WDR74: variants seen among roughly 807,000 people sequenced by gnomAD.
WDR74 encodes the protein WD repeat domain 74.
WDR74 carries 31 observed loss-of-function variants against 45.6 expected under a neutral mutation model. The observed-to-expected ratio is 0.68, with a 90% CI of 0.51 to 0.92. The LOEUF is 0.92. WDR74 is among the 40% of genes least tolerant of loss of function. The pLI is 0.00. For synonymous variants in WDR74, 191 were observed against 192.4 expected, an observed-to-expected ratio of 0.99 and a Z score of 0.06; for missense variants, 455 against 497.2, an observed-to-expected ratio of 0.92 and a Z score of 0.81.
chr11:62,833,020 C>G lies in WDR74; in HGVS notation c.1090G>C (p.Glu364Gln). The G allele has an allele frequency of 6.2e-7, 1 of 1,610,028 alleles. No individual in the cohort carries two copies. The highest frequency in any genetic ancestry group is 1.1e-5 in the South Asian group (1 of 90,294). The change falls in exon 11 of 11, where the codon GAG becomes CAG. Residue 364 changes from glutamate to glutamine, a missense_variant. Physicochemically the swap from Glu to Gln is conservative, Grantham distance 29. Transcript: ENST00000278856. ...GTTTGGAGAGCTCCTTGGGGCTGCT[C>G]CAAACCCGAGAGCTTCCGCTTGGCA... ...AAAKRKLSGL[E>Q]QPQGALQTRR...
Position 62,833,842 on chromosome 11 carries a change from T to C in WDR74, c.871A>G (p.Arg291Gly). The change falls in exon 9 of 11, where the codon AGA becomes GGA. Residue 291 changes from arginine to glycine, a missense_variant. Arg to Gly is a moderately radical substitution (Grantham distance 125). Transcript: ENST00000278856. ...TGGATCCTGTGTATCCTCAAGACTCTGTCCAAGCCACAGGAGGCTAGTAGA... is the reference window on the plus strand; with the variant it reads ...TGGATCCTGTGTATCCTCAAGACTCCGTCCAAGCCACAGGAGGCTAGTAGA... The part of the protein sequence containing the change: ...KPLLASCGLD[R>G]VLRIHRIQNP... The C allele has an allele frequency of 6.2e-7, 1 of 1,613,966 alleles. No homozygotes were observed. The highest frequency in any genetic ancestry group is 8.5e-7 in the Non-Finnish European group (1 of 1,179,878).
intron 3 of WDR74, 139 bp downstream of exon 3, chr11:62,838,975 A>C: frequency 8.1e-7 from 1 of 1,230,836 alleles, no homozygotes; most frequent in East Asian, 2.5e-5. Flanking sequence ...TATGAACTAC[A>C]TAAGGCAGAA....
At chr11:62,835,613 T>C (rs2084947763) in intron 5 of WDR74, 81 bp from the exon 6 acceptor site, 1 of 1,613,442 alleles carries the variant, frequency 6.2e-7, no homozygotes, top group African/African-American at 1.3e-5. Context: ...GCCCCCTAAG[T>C]CCATCTAGTC....
chr11:62,835,908 T>G, intron 4 of WDR74, 53 bp downstream of exon 4: 2 of 1,585,028 alleles, frequency 1.3e-6, no homozygotes, highest in Non-Finnish European at 1.7e-6. Flanking sequence ...GCGTGATCAT[T>G]AGGCACCTAC....
chr11:62,841,725 T>C (rs954294914), upstream of WDR74: 9 of 152,198 alleles, frequency 5.9e-5, no homozygotes, highest in African/African-American at 9.7e-5. Context: ...TTTAATATAT[T>C]GTCCTCGGAT....
At chr11:62,836,361 A>G in intron 3 of WDR74, 1 of 317,794 alleles carries the variant, frequency 3.1e-6, no homozygotes, top group Non-Finnish European at 6.1e-6. Context: ...CTATGTTACA[A>G]CCACAGCTAG....
intron 3 of WDR74, among the ~76,000 whole-genome samples, chr11:62,837,507 A>C (rs1463485843): frequency 1.3e-5 from 2 of 149,090 alleles, no homozygotes; most frequent in Non-Finnish European, 3.0e-5. Context: ...TAAAAAAAAA[A>C]CAAAAAACAA....
At chr11:62,833,271 G>T (rs2134875572) in intron 10 of WDR74, 140 bp from the exon 11 acceptor site, 1 of 279,694 alleles carries the variant, frequency 3.6e-6, no homozygotes. Context: ...AACATAAGGA[G>T]ACCCCATCTC....
chr11:62,835,162 C>T, intron 6 of WDR74: 1 of 449,466 alleles, frequency 2.2e-6, no homozygotes, highest in South Asian at 2.5e-5. Context: ...TCCTCTGACA[C>T]CTGCACCCTA....
At chr11:62,839,028 T>G (rs2085002817) in intron 3 of WDR74, 86 bp downstream of exon 3, 1 of 1,569,054 alleles carries the variant, frequency 6.4e-7, no homozygotes, top group Non-Finnish European at 8.6e-7. Context: ...TCACTAAGAG[T>G]TTGCCTGTCG....
At position 62,833,598 on chromosome 11, in the gene WDR74, T is replaced by TC. The variant is rs563984429; in HGVS notation, c.978+19dup. The TC allele has an allele frequency of 2.2e-4, 341 of 1,551,514 alleles. 6 individuals are homozygous for TC. The South Asian group carries it at 3.0e-3, about 14-fold the overall frequency. ...ACATCTATGCCCTTGGCTCCCACAT[T>TC]CCCGGGCCCAACTGCTCACCTCCCA... is the stretch of plus-strand genomic sequence containing the variant. On this transcript the variant is annotated intron_variant, in intron 10 of 10. Transcript: ENST00000278856.
rs202145747 is a variant in WDR74, at chr11:62,835,867, C to T, written c.370-26G>A. On this transcript the variant is annotated intron_variant, in intron 4 of 10. Coordinates refer to ENST00000278856, the MANE Select transcript of WDR74 (RefSeq NM_001369450.1). ...CTGTAAAGAATAGGAGATAAGAGTCCGTTCCAGAGTCCTTAATCCTCCCTT... is the reference window on the plus strand; with the variant it reads ...CTGTAAAGAATAGGAGATAAGAGTCTGTTCCAGAGTCCTTAATCCTCCCTT... 246 of 1,600,080 alleles carry T rather than the reference C, an allele frequency of 1.5e-4. 1 individual carries two copies. In the African/African-American group the frequency reaches 2.7e-3, roughly 18 times the overall value.
At chr11:62,835,641 G>A (rs2134886010) in intron 5 of WDR74, 54 bp downstream of exon 5, 1 of 1,613,766 alleles carries the variant, frequency 6.2e-7, no homozygotes, top group South Asian at 1.1e-5. Context: ...CATCGTCAGT[G>A]GCCTCAGCCT....
At chr11:62,835,384 G>A in intron 6 of WDR74, 47 bp downstream of exon 6, 1 of 1,572,766 alleles carries the variant, frequency 6.4e-7, no homozygotes. Context: ...ATTTCTCCAG[G>A]AGGCTGCTTT....
upstream of WDR74, chr11:62,841,537 A>T (rs148288499): frequency 6.6e-6 from 1 of 151,538 alleles, no homozygotes; most frequent in East Asian, 1.9e-4. Context: ...AATCCAACTC[A>T]AACAACAAGA....
rs1226589589 is a variant in WDR74 at position 62,833,630 on chromosome 11, C to G, written c.966G>C (p.Arg322Ser). 5 of 1,552,270 alleles carry G rather than the reference C, an allele frequency of 3.2e-6. No individual in the cohort carries two copies. The highest frequency in any genetic ancestry group is 2.0e-5 in the Admixed American group (1 of 51,020). ...SQLNCLLLSG[R>S]DNWEDEPQEP... ...CCCAACTGCTCACCTCCCAGTTGTC[C>G]CTGCCTGACAAGAGGAGGCAGTTCA... is the stretch of plus-strand genomic sequence containing the variant. Residue 322 changes from arginine (R) to serine (S), a missense_variant, in exon 10 of 11, where the codon AGG (arginine) becomes AGC (serine). By Grantham distance (110) the Arg-to-Ser change is moderately radical. Coordinates refer to ENST00000278856, the MANE Select transcript of WDR74 (RefSeq NM_001369450.1).
In WDR74 at chr11:62,833,642, G is replaced by A; in HGVS notation, c.954C>T (p.Leu318=). The change falls in exon 10 of 11, where the codon CTC becomes CTT. Residue 318 remains leucine (L), a synonymous_variant. Coordinates refer to ENST00000278856, the MANE Select transcript of WDR74 (RefSeq NM_001369450.1). The stretch of plus-strand genomic sequence containing the variant: ...CCTCCCAGTTGTCCCTGCCTGACAA[G>A]AGGAGGCAGTTCAATTGAGACTTGA... ...VYLKSQLNCL[L]LSGRDNWEDE... 6.4e-7 allele frequency: 1 copy of A among 1,552,948 alleles called. No individual in the cohort carries two copies. The highest frequency in any genetic ancestry group is 2.4e-5 in the East Asian group (1 of 41,036).
At position 62,839,361 on chromosome 11, in the gene WDR74, TGCCTCCTCGC is replaced by T; in HGVS notation, c.122_131del (p.Arg41GlnfsTer2). 6.2e-6 allele frequency: 10 copies of T among 1,612,134 alleles called. No homozygotes were observed. Among genetic ancestry groups the T allele is most frequent in the Non-Finnish European group, 7.6e-6 (9 of 1,179,784 alleles). On this transcript the variant is annotated frameshift_variant, in exon 2 of 11. Transcript: ENST00000278856. LOFTEE classifies it high-confidence loss of function. ...CGGTGCCCCAACACAGGGCGCTCAC[TGCCTCCTCGC>T]GCCGCGGCTGTCCTCCGGCCGTGAA...
rs2084914849 is a variant in WDR74, at chr11:62,833,777, G to C, written c.921+15C>G. The C allele has an allele frequency of 6.2e-7, 1 of 1,612,242 alleles. No homozygotes were observed. Among genetic ancestry groups the C allele is most frequent in the Non-Finnish European group, 8.5e-7 (1 of 1,179,134 alleles). On this transcript the variant is annotated intron_variant, in intron 9 of 10. Coordinates refer to ENST00000278856, the MANE Select transcript of WDR74 (RefSeq NM_001369450.1). Reference sequence around the variant, plus strand: ...TCCACAAGACCATGAGTTGGAGGTGGGAGAGACAACTTACCTTATGCTCCA... The same window carrying C: ...TCCACAAGACCATGAGTTGGAGGTGCGAGAGACAACTTACCTTATGCTCCA...
Sources: gnomAD v4.1 joint callset for allele counts (sites outside exome capture counted in the v4.1 genomes callset) on GRCh38, gnomAD v4.1.1 for gene constraint, MANE v1.5 for transcripts, NCBI Gene and HGNC (gene_info 2026-07-23, HGNC 2026-07-21) for gene names.